The following SGCZ variants were observed in gnomAD, a reference collection of about 807,000 sequenced individuals.
The protein encoded by SGCZ is zeta-sarcoglycan.
A neutral mutation model predicts 41.3 loss-of-function variants in SGCZ; 40 were observed. That is an observed-to-expected ratio of 0.97 (90% CI 0.75 to 1.26). SGCZ has a LOEUF of 1.26. SGCZ is among the 50% of genes most tolerant of loss of function. The probability of loss-of-function intolerance (pLI) is 0.00; values close to 1 mark genes in which losing one functional copy is unlikely to be tolerated. For synonymous variants in SGCZ, 206 were observed against 137.5 expected (o/e 1.50, Z -3.49); for missense variants, 552 against 369.8 (o/e 1.49, Z -4.04).
chr8:14,497,806 G>A (rs1352595102), intron 2 of SGCZ, among the ~76,000 whole-genome samples: 2 of 151,888 alleles, frequency 1.3e-5, no homozygotes, highest in African/African-American at 2.4e-5. Context: ...GATTTGGAGG[G>A]GACACACATT....
chr8:15,206,908 G>A (rs1256932904), intron 1 of SGCZ, among the ~76,000 whole-genome samples: 1 of 152,124 alleles, frequency 6.6e-6, no homozygotes, highest in Non-Finnish European at 1.5e-5. Context: ...GTAGGATGGA[G>A]GATATGAATT....
chr8:14,217,765 G>A (rs899241607), intron 4 of SGCZ, among the ~76,000 whole-genome samples: 13 of 150,854 alleles, frequency 8.6e-5, no homozygotes, highest in African/African-American at 2.4e-4. Flanking sequence ...AAGTAGCTGC[G>A]ATTACAGGTG....
intron 4 of SGCZ, among the ~76,000 whole-genome samples, chr8:14,221,950 G>A (rs1172713135): frequency 6.6e-6 from 1 of 150,404 alleles, no homozygotes; most frequent in East Asian, 2.0e-4. Context: ...GACACAGTGA[G>A]ACTCTGTCTC....
chr8:14,732,351 C>T (rs1798888643), intron 1 of SGCZ, among the ~76,000 whole-genome samples: 1 of 152,204 alleles, frequency 6.6e-6, no homozygotes, highest in Admixed American at 6.5e-5. Context: ...GAGGCCTCCT[C>T]ACTTCCAACT....
chr8:14,718,947 C>G (rs924786001), intron 1 of SGCZ, among the ~76,000 whole-genome samples: 3 of 148,666 alleles, frequency 2.0e-5, no homozygotes, highest in Non-Finnish European at 4.4e-5. Context: ...TGCTGTGCTG[C>G]ACCCATTAAC....
At chr8:14,154,914 A>C (rs1803830714) in intron 5 of SGCZ, among the ~76,000 whole-genome samples, 1 of 152,212 alleles carries the variant, frequency 6.6e-6, no homozygotes, top group Non-Finnish European at 1.5e-5. Context: ...AAATGATACC[A>C]GCCCTCAAAT....
At chr8:15,060,034 T>C (rs567929845) in intron 1 of SGCZ, among the ~76,000 whole-genome samples, 3 of 152,172 alleles carry the variant, frequency 2.0e-5, no homozygotes, top group Non-Finnish European at 4.4e-5. Flanking sequence ...AGGGCTTTGT[T>C]TGCAGCAAGC....
chr8:14,709,559 T>A (rs1175735003), intron 1 of SGCZ, among the ~76,000 whole-genome samples: 1 of 152,144 alleles, frequency 6.6e-6, no homozygotes, highest in East Asian at 1.9e-4. Flanking sequence ...ATTCGCTTGT[T>A]ACGGCATAAG....
chr8:14,375,107 TAGATAGACAGAC>T (rs1563288221), intron 2 of SGCZ, among the ~76,000 whole-genome samples: 1 of 145,858 alleles, frequency 6.9e-6, no homozygotes, highest in African/African-American at 2.5e-5. Context: ...ATCAGATAGA[TAGATAGACAGAC>T]AGACAGACAG....
At chr8:14,311,805 T>C (rs546282896) in intron 3 of SGCZ, among the ~76,000 whole-genome samples, 1 of 151,150 alleles carries the variant, frequency 6.6e-6, no homozygotes, top group Non-Finnish European at 1.5e-5. Context: ...TATTTTTTTC[T>C]GTATGTAAAT....
chr8:15,030,908 A>C (rs980801115), intron 1 of SGCZ, among the ~76,000 whole-genome samples: 3 of 152,194 alleles, frequency 2.0e-5, no homozygotes, highest in East Asian at 1.9e-4. Context: ...AGTTTAAGTA[A>C]AGGAAATAGA....
chr8:14,240,056 G>GTGGC (rs1335548685), intron 3 of SGCZ, among the ~76,000 whole-genome samples: 1 of 152,010 alleles, frequency 6.6e-6, no homozygotes, highest in Non-Finnish European at 1.5e-5. Context: ...TCCGGGCGTG[G>GTGGC]TGGCTGACAC....
intron 1 of SGCZ, among the ~76,000 whole-genome samples, chr8:14,562,200 A>G (rs2117209076): frequency 6.6e-6 from 1 of 152,246 alleles, no homozygotes; most frequent in Non-Finnish European, 1.5e-5. Context: ...AATAATTCCA[A>G]ACTAGCTGGA....
At chr8:14,468,528 G>T (rs529520464) in intron 2 of SGCZ, among the ~76,000 whole-genome samples, 88 of 151,996 alleles carry the variant, frequency 5.8e-4, no homozygotes, top group Non-Finnish European at 1.5e-4. Flanking sequence ...ATTAGATCTT[G>T]AGAGCAAAGG....
intron 1 of SGCZ, among the ~76,000 whole-genome samples, chr8:14,715,407 G>C (rs1247502443): frequency 6.6e-6 from 1 of 152,088 alleles, no homozygotes; most frequent in Non-Finnish European, 1.5e-5. Context: ...AGCGAAGACT[G>C]TGGTATGTAA....
chr8:15,060,797 G>A (rs1804897076), intron 1 of SGCZ, among the ~76,000 whole-genome samples: 1 of 151,730 alleles, frequency 6.6e-6, no homozygotes, highest in South Asian at 2.1e-4. Context: ...TGTTTTTGTT[G>A]TTTTAGCAGG....
chr8:15,192,608 T>C (rs1343258340), intron 1 of SGCZ, among the ~76,000 whole-genome samples: 1 of 152,148 alleles, frequency 6.6e-6, no homozygotes, highest in East Asian at 1.9e-4. Context: ...CAAAGTCTCT[T>C]TCTGGTTTAC....
chr8:15,142,552 C>A (rs1048081765), intron 1 of SGCZ, among the ~76,000 whole-genome samples: 2 of 152,002 alleles, frequency 1.3e-5, no homozygotes, highest in Non-Finnish European at 2.9e-5. Context: ...CACTACTAAC[C>A]CTGGGCAAGA....
chr8:14,358,355 G>A (rs985249453), intron 2 of SGCZ, among the ~76,000 whole-genome samples: 3 of 152,098 alleles, frequency 2.0e-5, no homozygotes, highest in African/African-American at 4.8e-5. Flanking sequence ...GCAAATGTAA[G>A]GATACAACCT....
Sources: allele counts gnomAD v4.1 joint callset (sites outside exome capture counted in the v4.1 genomes callset), GRCh38; gene constraint gnomAD v4.1.1; transcripts MANE v1.5; gene names NCBI Gene and HGNC (gene_info 2026-07-23, HGNC 2026-07-21).